The following QSOX1 variants were observed in gnomAD, a reference collection of about 807,000 sequenced individuals.
QSOX1 encodes the protein sulfhydryl oxidase 1.
QSOX1 carries 40 observed loss-of-function variants against 76.1 expected under a neutral mutation model. That is an observed-to-expected ratio of 0.53 (90% confidence interval 0.41 to 0.68). The LOEUF is 0.68. Among genes scored for constraint, QSOX1 ranks in the 30% least tolerant of loss-of-function variants. The pLI is 0.00. For missense variants in QSOX1, 931 were observed against 974.3 expected (o/e 0.96, Z 0.59); for synonymous variants, 392 against 413.1 (o/e 0.95, Z 0.62).
rs531448555 is a variant in QSOX1 at position 180,174,041 on chromosome 1, C to G, written c.367-1280C>G. Among the ~76,000 whole-genome samples, 6 of 152,352 alleles carry G rather than the reference C, an allele frequency of 3.9e-5. No individual in the cohort carries two copies. In the South Asian group the frequency reaches 1.0e-3, roughly 26 times the overall value. ...CAGCTTGGGATAAGGCCAAACAGCT[C>G]TATCCCAAGGAGGGAGAAGGAAACC... On this transcript the variant is annotated intron_variant, in intron 2 of 11. Transcript: ENST00000367602.
chr1:180,158,059 A>T (rs560643925), intron 1 of QSOX1, among the ~76,000 whole-genome samples: 126 of 152,362 alleles, frequency 8.3e-4, no homozygotes, highest in Middle Eastern at 3.4e-3. Context: ...CATTATTATG[A>T]CAATCCTTAC....
At chr1:180,186,324 C>T in intron 8 of QSOX1, 142 bp downstream of exon 8, 1 of 1,161,406 alleles carries the variant, frequency 8.6e-7, no homozygotes. Flanking sequence ...CTCTCCCTGT[C>T]CACCATAGGT....
chr1:180,179,150 C>T (rs1354585880), intron 5 of QSOX1, among the ~76,000 whole-genome samples: 2 of 152,322 alleles, frequency 1.3e-5, no homozygotes, highest in East Asian at 1.9e-4. Context: ...TGCTGACACA[C>T]GTAGCTGCTA....
At position 180,182,219 on chromosome 1, in the gene QSOX1, G is replaced by A. The variant is rs768818522; in HGVS notation, c.652G>A (p.Val218Met). The A allele has an allele frequency of 6.2e-7, 1 of 1,614,232 alleles. No individual in the cohort carries two copies. Among genetic ancestry groups the A allele is most frequent in the South Asian group, 1.1e-5 (1 of 91,088 alleles). Residue 218 changes from valine to methionine, a missense_variant, in exon 6 of 12, where the codon GTG (valine) becomes ATG (methionine). Transcript: ENST00000367602. ...GCACAAAGGCGTGGCGGTGCGCAGG[G>A]TGCTGAACACAGAGGCCAATGTGGT... is the stretch of plus-strand genomic sequence containing the variant. ...SQHKGVAVRR[V>M]LNTEANVVRK...
rs1663622202 is a variant in QSOX1 at position 180,200,845 on chromosome 1, A to C, written c.*3808A>C. 6.6e-6 allele frequency: 1 copy of C among 152,178 alleles called. No homozygotes were observed. The allele number at this position is 152,178 out of a possible 1,614,324, so 9.4% of individuals were successfully genotyped here. On this transcript the variant is annotated 3_prime_UTR_variant, in exon 12 of 12. Coordinates refer to ENST00000367602, the MANE Select transcript of QSOX1 (RefSeq NM_002826.5). The stretch of plus-strand genomic sequence containing the variant: ...CATGTCCTGTTCCATCGGTAGAGTT[A>C]CACACTTTCCTGAGACTTTATATGG...
intron 10 of QSOX1, among the ~76,000 whole-genome samples, chr1:180,192,651 G>A (rs992646641): frequency 2.6e-5 from 4 of 152,158 alleles, no homozygotes; most frequent in African/African-American, 9.7e-5. Flanking sequence ...GGTGGATGAT[G>A]GTCCCATAAG....
intron 10 of QSOX1, among the ~76,000 whole-genome samples, chr1:180,193,548 C>G (rs548809183): frequency 6.6e-6 from 1 of 152,156 alleles, no homozygotes; most frequent in East Asian, 1.9e-4. Flanking sequence ...CAAGCACCAG[C>G]AGCCCTGGAG....
intron 5 of QSOX1, among the ~76,000 whole-genome samples, chr1:180,181,407 T>A (rs1025723570): frequency 1.3e-5 from 2 of 152,186 alleles, no homozygotes; most frequent in African/African-American, 4.8e-5. Context: ...TCTTGTTGCC[T>A]TCAGAGAGCC....
Position 180,197,623 on chromosome 1 carries a change from G to T in QSOX1, c.*586G>T. 2.0e-6 allele frequency: 1 copy of T among 507,780 alleles called. No individual in the cohort carries two copies. The highest frequency in any genetic ancestry group is 3.6e-6 in the Non-Finnish European group (1 of 281,586). 31.5% of individuals were successfully genotyped at this position (507,780 alleles called of 1,614,324 possible). A position where few individuals can be genotyped will look rare whatever the true frequency, so the allele number is the denominator to read the frequency against. On this transcript the variant is annotated 3_prime_UTR_variant, in exon 12 of 12. Coordinates refer to ENST00000367602, the MANE Select transcript of QSOX1 (RefSeq NM_002826.5). ...TCAGGGTGGGGTTTGGAAGCTTCTG[G>T]AAGTCGTGCTGGTCTCCCAGGTGAG... is the stretch of plus-strand genomic sequence containing the variant.
chr1:180,154,895 C>A lies in QSOX1; in HGVS notation c.-13C>A, dbSNP rs909441653. Reference sequence around the variant, plus strand: ...TCCGGTGCTTGCGTGTGGTGGTGAGCGCAGCGCCGAGGATGAGGAGGTGCA... The same window carrying A: ...TCCGGTGCTTGCGTGTGGTGGTGAGAGCAGCGCCGAGGATGAGGAGGTGCA... On this transcript the variant is annotated 5_prime_UTR_variant, in exon 1 of 12. Coordinates refer to ENST00000367602, the MANE Select transcript of QSOX1 (RefSeq NM_002826.5). 2.8e-6 allele frequency: 4 copies of A among 1,425,342 alleles called. No homozygotes were observed. In the African/African-American group the frequency reaches 4.5e-5, roughly 16 times the overall value. The allele number at this position is 1,425,342 out of a possible 1,614,324, so 88.3% of individuals were successfully genotyped here. A position where few individuals can be genotyped will look rare whatever the true frequency, so the allele number is the denominator to read the frequency against.
Position 180,196,238 on chromosome 1 carries a change from G to A in QSOX1, c.1469-24G>A. On this transcript the variant is annotated intron_variant, in intron 11 of 11. Coordinates refer to ENST00000367602, the MANE Select transcript of QSOX1 (RefSeq NM_002826.5). The surrounding 1 kb of genome is among the most constrained non-coding windows in gnomAD (Gnocchi z 4.1). ...TTGGGTGGGACTGATGTCACCACCA[G>A]CCTGTGTATGCTTCCCTCTGTAGGT... is the stretch of plus-strand genomic sequence containing the variant. 6.3e-7 allele frequency: 1 copy of A among 1,590,470 alleles called. No homozygotes were observed. The highest frequency in any genetic ancestry group is 8.6e-7 in the Non-Finnish European group (1 of 1,164,314).
At chr1:180,191,027 C>T (rs1241080559) in intron 10 of QSOX1, among the ~76,000 whole-genome samples, 1 of 152,170 alleles carries the variant, frequency 6.6e-6, no homozygotes, top group African/African-American at 2.4e-5. Flanking sequence ...AAAACAATTT[C>T]CTGGGGGAAG....
intron 10 of QSOX1, among the ~76,000 whole-genome samples, chr1:180,193,066 G>C (rs1663360078): frequency 6.6e-6 from 1 of 152,120 alleles, no homozygotes; most frequent in Non-Finnish European, 1.5e-5. Flanking sequence ...TAATGGCCTT[G>C]TTGGATTCGG....
At position 180,197,547 on chromosome 1, in the gene QSOX1, CTA is replaced by C. The variant is rs1168093612; in HGVS notation, c.*512_*513del. 2.8e-6 allele frequency: 2 copies of C among 712,646 alleles called. No individual in the cohort carries two copies. The highest frequency in any genetic ancestry group is 4.6e-6 in the Non-Finnish European group (2 of 438,242). The allele number at this position is 712,646 out of a possible 1,614,324, so 44.1% of individuals were successfully genotyped here. Reference sequence around the variant, plus strand: ...GGGAGGAAGGACCACCCCGGGCCCTCTATGCCTGGCCAGCCTCCAGCTCCTCA... The same window carrying C: ...GGGAGGAAGGACCACCCCGGGCCCTCTGCCTGGCCAGCCTCCAGCTCCTCA... On this transcript the variant is annotated 3_prime_UTR_variant, in exon 12 of 12. Transcript: ENST00000367602.
Position 180,196,527 on chromosome 1 carries a change from G to C in QSOX1, c.1734G>C (p.Leu578=). The change falls in exon 12 of 12, where the codon CTG becomes CTC. Residue 578 remains leucine, a synonymous_variant. Coordinates refer to ENST00000367602, the MANE Select transcript of QSOX1 (RefSeq NM_002826.5). The surrounding 1 kb of genome is among the most constrained non-coding windows in gnomAD (Gnocchi z 4.1). ...ALELESRNST[L]DPGKPEMMKS... ...AGCTGGAAAGCCGGAATTCAACTCT[G>C]GACCCTGGGAAGCCTGAGATGATGA... The C allele has an allele frequency of 6.2e-7, 1 of 1,614,162 alleles. No homozygotes were observed. The highest frequency in any genetic ancestry group is 8.5e-7 in the Non-Finnish European group (1 of 1,180,026).
Position 180,198,496 on chromosome 1 carries a change from A to C in QSOX1, c.*1459A>C, listed in dbSNP as rs756123807. The C allele has an allele frequency of 8.9e-5, 38 of 425,348 alleles. No individual in the cohort carries two copies. The highest frequency in any genetic ancestry group is 6.1e-4 in the South Asian group (38 of 62,432). 26.3% of individuals were successfully genotyped at this position (425,348 alleles called of 1,614,324 possible). On this transcript the variant is annotated 3_prime_UTR_variant, in exon 12 of 12. Transcript: ENST00000367602. Reference sequence around the variant, plus strand: ...CTCATTAAGGGGGAGCAGGAGCCTCAATCCGATTTGGTTTTCTCTTTGACA... The same window carrying C: ...CTCATTAAGGGGGAGCAGGAGCCTCCATCCGATTTGGTTTTCTCTTTGACA...
intron 1 of QSOX1, among the ~76,000 whole-genome samples, chr1:180,160,376 C>T (rs982720130): frequency 1.3e-5 from 2 of 150,874 alleles, no homozygotes; most frequent in Non-Finnish European, 2.9e-5. Context: ...TCTAGTATCC[C>T]ATGACTGGGT....
intron 1 of QSOX1, among the ~76,000 whole-genome samples, chr1:180,159,888 C>A (rs2149229004): frequency 6.6e-6 from 1 of 152,318 alleles, no homozygotes; most frequent in South Asian, 2.1e-4. Flanking sequence ...GTCAGGTTCT[C>A]ACCTAGGTGA....
At chr1:180,183,757 C>T (rs1663098548) in intron 6 of QSOX1, among the ~76,000 whole-genome samples, 159 bp from the exon 7 acceptor site, 1 of 152,168 alleles carries the variant, frequency 6.6e-6, no homozygotes, top group African/African-American at 2.4e-5. Flanking sequence ...GCCTGGGTGC[C>T]GTCTTCTGGC....
Sources: gnomAD v4.1 joint callset for allele counts (sites outside exome capture counted in the v4.1 genomes callset) on GRCh38, gnomAD v4.1.1 for gene constraint, Gnocchi (gnomAD v3.1) non-coding constraint, MANE v1.5 for transcripts, NCBI Gene and HGNC (gene_info 2026-07-23, HGNC 2026-07-21) for gene names.